AKAP13: variants seen among roughly 807,000 people sequenced by gnomAD.
AKAP13 encodes A-kinase anchor protein 13.
In AKAP13, 80 loss-of-function variants were observed where a neutral mutation model predicts 264.5. The ratio of observed to expected loss-of-function variants is 0.30; its 90% CI spans 0.25 to 0.36. The LOEUF is 0.36. Ranked by LOEUF, AKAP13 falls within the 10% of genes least tolerant of loss-of-function variation. The pLI is 1.00. For synonymous variants in AKAP13, 1,380 were observed against 1,250.2 expected (o/e 1.10, Z -2.19); for missense variants, 3,712 against 3,435.2 (o/e 1.08, Z -2.01).
In AKAP13 at chr15:85,421,860, C is replaced by T. The variant is rs546232595; in HGVS notation, c.-12+41062C>T. On this transcript the variant is annotated intron_variant, in intron 1 of 36. Coordinates refer to ENST00000394518, the MANE Select transcript of AKAP13 (RefSeq NM_007200.5). ...TATGCATTGTTAACTGCATTTCCAC[C>T]ATGTTGCATAAGGAACATTTGCAAT... Among the ~76,000 whole-genome samples the T allele has an allele frequency of 2.0e-5, 3 of 152,282 alleles. No individual in the cohort carries two copies. The South Asian group carries it at 6.2e-4, about 32-fold the overall frequency.
intron 8 of AKAP13, among the ~76,000 whole-genome samples, chr15:85,635,385 C>A (rs934001332): frequency 3.3e-5 from 5 of 152,008 alleles, no homozygotes; most frequent in Non-Finnish European, 7.4e-5. Flanking sequence ...TTATTCAAAT[C>A]TTTTACCCAT....
In AKAP13 at chr15:85,406,553, A is replaced by T. The variant is rs369020086; in HGVS notation, c.-12+25755A>T. Among the ~76,000 whole-genome samples, 111 of 150,786 alleles carry T rather than the reference A, an allele frequency of 7.4e-4. 2 individuals carry two copies. The Middle Eastern group carries it at 0.017, about 23-fold the overall frequency. On this transcript the variant is annotated intron_variant, in intron 1 of 36. Coordinates refer to ENST00000394518, the MANE Select transcript of AKAP13 (RefSeq NM_007200.5). Reference sequence around the variant, plus strand: ...GTGGTTGTACCTATAATTGGGGAGAATTTTTTTTCTTTAAGTGTAGATCAA... The same window carrying T: ...GTGGTTGTACCTATAATTGGGGAGATTTTTTTTTCTTTAAGTGTAGATCAA...
At chr15:85,392,833 C>T (rs1438147007) in intron 1 of AKAP13, among the ~76,000 whole-genome samples, 1 of 152,212 alleles carries the variant, frequency 6.6e-6, no homozygotes, top group Non-Finnish European at 1.5e-5. Flanking sequence ...GTGGGCAGAT[C>T]TCTTCAGAAT....
rs796888151 is a variant in AKAP13, at chr15:85,718,479, T to C, written c.6001+320T>C. Among the ~76,000 whole-genome samples the C allele has an allele frequency of 1.3e-4, 20 of 152,318 alleles. No homozygotes were observed. Among genetic ancestry groups the C allele is most frequent in the African/African-American group, 4.8e-4 (20 of 41,570 alleles). ...CTAAACACAAGTCATTTCTGAGAAC[T>C]GGGTATACAGTCAGTTACGACAGGT... On this transcript the variant is annotated intron_variant, in intron 22 of 36. Transcript: ENST00000394518. The surrounding 1 kb of genome is among the most constrained non-coding windows in gnomAD (Gnocchi z 4.9).
intron 20 of AKAP13, among the ~76,000 whole-genome samples, chr15:85,716,893 G>A (rs776165925): frequency 2.0e-5 from 3 of 152,190 alleles, no homozygotes; most frequent in Non-Finnish European, 4.4e-5. Context: ...GATTGAGAAA[G>A]TCCAAAGAGA....
intron 1 of AKAP13, among the ~76,000 whole-genome samples, chr15:85,397,556 A>G (rs1028850426): frequency 1.3e-5 from 2 of 152,210 alleles, no homozygotes; most frequent in Non-Finnish European, 2.9e-5. Flanking sequence ...AAGTTCACTA[A>G]TATAATAGCT....
chr15:85,675,508 C>T (rs1424977005), intron 14 of AKAP13, among the ~76,000 whole-genome samples: 2 of 152,100 alleles, frequency 1.3e-5, no homozygotes, highest in African/African-American at 4.8e-5. Context: ...TGTGTCTATC[C>T]AGTAAATATT....
intron 1 of AKAP13, among the ~76,000 whole-genome samples, chr15:85,440,869 A>T (rs1157404339): frequency 2.0e-5 from 3 of 152,194 alleles, no homozygotes; most frequent in East Asian, 1.9e-4. Context: ...TGTGGTGGAA[A>T]TTTTTAAAAA....
intron 17 of AKAP13, among the ~76,000 whole-genome samples, chr15:85,700,448 A>G (rs1413726845): frequency 6.6e-6 from 1 of 152,178 alleles, no homozygotes; most frequent in Non-Finnish European, 1.5e-5. Context: ...GATCTGGGTT[A>G]CCTCTTGGAG....
chr15:85,686,467 A>AGAATTGT (rs1264283619), intron 16 of AKAP13, among the ~76,000 whole-genome samples: 1 of 152,184 alleles, frequency 6.6e-6, no homozygotes, highest in East Asian at 1.9e-4. Context: ...ACGTGCCACA[A>AGAATTGT]GAATTGTGTT....
At chr15:85,603,186 A>T (rs1309590263) in intron 8 of AKAP13, among the ~76,000 whole-genome samples, 1 of 152,268 alleles carries the variant, frequency 6.6e-6, no homozygotes, top group Admixed American at 6.5e-5. Context: ...AGCTCACAAC[A>T]TAAAATAACT....
At chr15:85,549,927 T>C in intron 5 of AKAP13, among the ~76,000 whole-genome samples, 1 of 152,098 alleles carries the variant, frequency 6.6e-6, no homozygotes, top group East Asian at 1.9e-4. Context: ...CTCTGATTGA[T>C]TGATTGATTG....
At chr15:85,729,167 C>T (rs55873178) in intron 29 of AKAP13, among the ~76,000 whole-genome samples, 9,182 of 152,028 alleles carry the variant, frequency 0.06, 399 homozygotes, top group Admixed American at 0.16. Context: ...GGCGTGGTGG[C>T]ACGTGCCTGT....
At chr15:85,569,801 G>T (rs1394852613) in intron 5 of AKAP13, among the ~76,000 whole-genome samples, 1 of 152,148 alleles carries the variant, frequency 6.6e-6, no homozygotes, top group African/African-American at 2.4e-5. Flanking sequence ...CACTGGGCCG[G>T]GTGTGGTGGC....
chr15:85,673,738 T>C (rs1468817032), intron 14 of AKAP13, among the ~76,000 whole-genome samples: 1 of 124,036 alleles, frequency 8.1e-6, no homozygotes, highest in Non-Finnish European at 1.6e-5. Flanking sequence ...CAGGCTGGAG[T>C]GCAGTGGCAC....
chr15:85,665,449 A>G (rs394532), intron 13 of AKAP13, among the ~76,000 whole-genome samples: 21,677 of 152,176 alleles, frequency 0.14, 2,694 homozygotes, highest in East Asian at 0.37. Flanking sequence ...AAAATTAAAA[A>G]CAAAACTTTC....
chr15:85,616,299 A>G (rs377413603), intron 8 of AKAP13, among the ~76,000 whole-genome samples: 2 of 152,376 alleles, frequency 1.3e-5, no homozygotes, highest in South Asian at 2.1e-4. Flanking sequence ...AAGAATGCTT[A>G]AACAATTTGG....
intron 17 of AKAP13, among the ~76,000 whole-genome samples, chr15:85,701,456 T>C (rs2151666453): frequency 6.6e-6 from 1 of 152,300 alleles, no homozygotes; most frequent in African/African-American, 2.4e-5. Flanking sequence ...TTTTGTTTGT[T>C]TGAGACGGCG....
chr15:85,433,894 T>C (rs1338667981), intron 1 of AKAP13, among the ~76,000 whole-genome samples: 3 of 151,692 alleles, frequency 2.0e-5, no homozygotes, highest in Non-Finnish European at 4.4e-5. Context: ...TGAGCCGAGA[T>C]TGTGCCATTG....
Sources: gnomAD v4.1 joint callset for allele counts (sites outside exome capture counted in the v4.1 genomes callset) on GRCh38, gnomAD v4.1.1 for gene constraint, Gnocchi (gnomAD v3.1) non-coding constraint, MANE v1.5 for transcripts, NCBI Gene and HGNC (gene_info 2026-07-23, HGNC 2026-07-21) for gene names.